The following CRTC1 variants were observed in gnomAD, a reference collection of about 807,000 sequenced individuals.
The protein encoded by CRTC1 is CREB-regulated transcription coactivator 1.
A neutral mutation model predicts 66.1 loss-of-function variants in CRTC1; 18 were observed. That is an observed-to-expected ratio of 0.27 (90% CI 0.19 to 0.40). CRTC1 has a LOEUF of 0.40. Ranked by LOEUF, CRTC1 falls within the 10% of genes least tolerant of loss-of-function variation. The probability of loss-of-function intolerance (pLI) is 1.00; values close to 1 mark genes in which losing one functional copy is unlikely to be tolerated. For synonymous variants in CRTC1, 416 were observed against 398.8 expected (o/e 1.04, Z -0.51); for missense variants, 669 against 887.9 (o/e 0.75, Z 3.13).
intron 1 of CRTC1, among the ~76,000 whole-genome samples, chr19:18,719,433 C>G (rs1273087400): frequency 1.3e-5 from 2 of 152,202 alleles, no homozygotes; most frequent in African/African-American, 2.4e-5. Context: ...CAAGGGGTAC[C>G]AGGTGGGCCC....
Position 18,771,350 on chromosome 19 carries a change from TG to T in CRTC1, c.1321-87del. 1 of 1,115,912 alleles carries T rather than the reference TG, an allele frequency of 9.0e-7. No homozygotes were observed. 69.1% of individuals were successfully genotyped at this position (1,115,912 alleles called of 1,614,324 possible). A position where few individuals can be genotyped will look rare whatever the true frequency, so the allele number is the denominator to read the frequency against. On this transcript the variant is annotated intron_variant, in intron 10 of 13. Transcript: ENST00000321949. This position sits in a 1 kb window ranked among gnomAD's most constrained non-coding sequence, Gnocchi z 4.6. ...GGTGTGAGGGGCGGGGGGACCTGCCTGGGGGCTGATCAGGCTGCTCCCGGGA... is the reference window on the plus strand; with the variant it reads ...GGTGTGAGGGGCGGGGGGACCTGCCTGGGGCTGATCAGGCTGCTCCCGGGA...
chr19:18,753,410 G>C (rs865788444), intron 5 of CRTC1, 90 bp from the exon 6 acceptor site: 2 of 896,748 alleles, frequency 2.2e-6, no homozygotes, highest in Non-Finnish European at 3.6e-6. Flanking sequence ...CCATGACTCC[G>C]TGTGTCAGGG....
At chr19:18,734,641 G>A (rs1314634320) in intron 1 of CRTC1, among the ~76,000 whole-genome samples, 2 of 152,172 alleles carry the variant, frequency 1.3e-5, no homozygotes, top group Admixed American at 1.3e-4. Flanking sequence ...TCGTGCCGCT[G>A]TACTCCAGCC....
At chr19:18,759,102 G>A (rs1383652576) in intron 6 of CRTC1, among the ~76,000 whole-genome samples, 1 of 152,250 alleles carries the variant, frequency 6.6e-6, no homozygotes, top group Non-Finnish European at 1.5e-5. Flanking sequence ...CCACTCGGGA[G>A]GCTGAGGCGG....
intron 8 of CRTC1, among the ~76,000 whole-genome samples, chr19:18,764,091 G>A (rs1600986206): frequency 6.6e-6 from 1 of 152,318 alleles, no homozygotes; most frequent in South Asian, 2.1e-4. Context: ...GAGGGGAAGT[G>A]CAGGCGTGAC....
At chr19:18,753,215 G>A (rs2054407714) in intron 5 of CRTC1, among the ~76,000 whole-genome samples, 1 of 152,026 alleles carries the variant, frequency 6.6e-6, no homozygotes. Flanking sequence ...GGTGGAGCTT[G>A]CAGTGAGCTG....
At chr19:18,761,717 G>A (rs2054618125) in intron 8 of CRTC1, among the ~76,000 whole-genome samples, 1 of 152,214 alleles carries the variant, frequency 6.6e-6, no homozygotes, top group South Asian at 2.1e-4. Context: ...GATGCAGGGA[G>A]TGAAGGAGAG....
At chr19:18,731,574 G>A (rs1042043690) in intron 1 of CRTC1, among the ~76,000 whole-genome samples, 8 of 152,204 alleles carry the variant, frequency 5.3e-5, no homozygotes, top group Admixed American at 3.9e-4. Context: ...TTTCAGGGGA[G>A]CTGTGAGTCC....
chr19:18,694,291 T>C (rs1190230864), intron 1 of CRTC1, among the ~76,000 whole-genome samples: 2 of 87,582 alleles, frequency 2.3e-5, no homozygotes, highest in African/African-American at 1.2e-4. Flanking sequence ...ACAGAGAGAC[T>C]CCATCTCAAA....
intron 4 of CRTC1, 65 bp downstream of exon 4, chr19:18,747,179 G>T (rs1426110340): frequency 4.0e-6 from 5 of 1,235,780 alleles, no homozygotes; most frequent in African/African-American, 3.4e-5. Context: ...CTCTCATCAT[G>T]GTTACATGTG....
At chr19:18,770,447 T>A (rs1005981434) in intron 10 of CRTC1, among the ~76,000 whole-genome samples, 7 of 152,116 alleles carry the variant, frequency 4.6e-5, no homozygotes, top group Non-Finnish European at 8.8e-5. Context: ...CCCCCAGAGG[T>A]GGGCCAGACC....
rs1015608396 is a variant in CRTC1 at position 18,760,511 on chromosome 19, G to A, written c.886+283G>A. On this transcript the variant is annotated intron_variant, in intron 8 of 13. Coordinates refer to ENST00000321949, the MANE Select transcript of CRTC1 (RefSeq NM_015321.3). This position sits in a 1 kb window ranked among gnomAD's most constrained non-coding sequence, Gnocchi z 6.2. Reference sequence around the variant, plus strand: ...GGAGTCCAGGAGGGAAGCCCTGGGAGTTTTAACGCAGCTGGGGTGGGCCAG... The same window carrying A: ...GGAGTCCAGGAGGGAAGCCCTGGGAATTTTAACGCAGCTGGGGTGGGCCAG... Among the ~76,000 whole-genome samples the A allele has an allele frequency of 1.3e-5, 2 of 152,006 alleles. No homozygotes were observed. The highest frequency in any genetic ancestry group is 4.8e-5 in the African/African-American group (2 of 41,368).
At chr19:18,697,228 G>A (rs564085997) in intron 1 of CRTC1, among the ~76,000 whole-genome samples, 9 of 152,296 alleles carry the variant, frequency 5.9e-5, no homozygotes, top group African/African-American at 2.2e-4. Context: ...GTTCTTGCAC[G>A]GAGGGATTCA....
At chr19:18,706,179 G>C (rs896079735) in intron 1 of CRTC1, among the ~76,000 whole-genome samples, 5 of 30,726 alleles carry the variant, frequency 1.6e-4, no homozygotes, top group African/African-American at 5.4e-4. Flanking sequence ...CTATTCCATT[G>C]GTCTTTTTTT....
chr19:18,776,589 G>A (rs2054993990), intron 13 of CRTC1, among the ~76,000 whole-genome samples: 1 of 152,230 alleles, frequency 6.6e-6, no homozygotes, highest in African/African-American at 2.4e-5. Flanking sequence ...AGAAATTCAA[G>A]GGTGGACGCG....
intron 1 of CRTC1, among the ~76,000 whole-genome samples, chr19:18,732,272 AG>A (rs934078364): frequency 2.0e-5 from 3 of 152,160 alleles, no homozygotes; most frequent in South Asian, 2.1e-4. Flanking sequence ...CAAGCCATAA[AG>A]GGGGGGTCCC....
chr19:18,759,024 A>G (rs1279865117), intron 6 of CRTC1, among the ~76,000 whole-genome samples: 1 of 152,186 alleles, frequency 6.6e-6, no homozygotes, highest in Non-Finnish European at 1.5e-5. Flanking sequence ...GGGAGTGTCA[A>G]GAGGCGCTTT....
intron 1 of CRTC1, among the ~76,000 whole-genome samples, chr19:18,713,907 C>T (rs1004430895): frequency 1.5e-4 from 23 of 152,340 alleles, no homozygotes; most frequent in Non-Finnish European, 2.6e-4. Context: ...ACTGGCAGCC[C>T]GCTCCCCAGC....
At chr19:18,776,776 C>T (rs2054998588) in intron 13 of CRTC1, among the ~76,000 whole-genome samples, 1 of 152,214 alleles carries the variant, frequency 6.6e-6, no homozygotes, top group South Asian at 2.1e-4. Flanking sequence ...GCCCTAGCAG[C>T]AGCTGGGTCC....
Sources: allele counts gnomAD v4.1 joint callset (sites outside exome capture counted in the v4.1 genomes callset), GRCh38; gene constraint gnomAD v4.1.1; non-coding constraint Gnocchi (gnomAD v3.1); transcripts MANE v1.5; gene names NCBI Gene and HGNC (gene_info 2026-07-23, HGNC 2026-07-21).